The following ULK4 variants were observed in gnomAD, a reference collection of about 807,000 sequenced individuals.
ULK4 encodes inactive serine/threonine-protein kinase ULK4.
Under a neutral mutation model 160.6 loss-of-function variants are expected in ULK4, and 133 were observed. The observed-to-expected ratio is 0.83, with a 90% confidence interval of 0.72 to 0.96. The LOEUF is 0.96. Ranked by LOEUF, ULK4 falls within the 40% of genes least tolerant of loss-of-function variation. The probability of loss-of-function intolerance (pLI) is 0.00; values close to 1 mark genes in which losing one functional copy is unlikely to be tolerated. For synonymous variants in ULK4, 534 were observed against 539.8 expected (o/e 0.99, Z 0.15); for missense variants, 1,580 against 1,499.5 (o/e 1.05, Z -0.89).
chr3:41,930,291 G>A (rs1250798860), intron 5 of ULK4, among the ~76,000 whole-genome samples: 2 of 151,968 alleles, frequency 1.3e-5, no homozygotes, highest in African/African-American at 2.4e-5. Flanking sequence ...GCCATATGCA[G>A]AAAAATGAAA....
chr3:41,585,797 A>G (rs1440736267), intron 31 of ULK4, among the ~76,000 whole-genome samples: 1 of 152,178 alleles, frequency 6.6e-6, no homozygotes, highest in East Asian at 1.9e-4. Context: ...TCTACATTGT[A>G]TAAAAAACTC....
At chr3:41,831,797 G>A (rs2041598887) in intron 18 of ULK4, among the ~76,000 whole-genome samples, 1 of 151,550 alleles carries the variant, frequency 6.6e-6, no homozygotes, top group African/African-American at 2.4e-5. Context: ...AGAATATGCA[G>A]TGTTAGGTTT....
intron 6 of ULK4, among the ~76,000 whole-genome samples, chr3:41,918,971 T>C (rs1290910702): frequency 3.9e-5 from 6 of 152,184 alleles, no homozygotes; most frequent in Admixed American, 3.9e-4. Context: ...AAAAAATATA[T>C]AGCAATAGCT....
chr3:41,807,175 T>C (rs899783515), intron 19 of ULK4, among the ~76,000 whole-genome samples: 1 of 152,120 alleles, frequency 6.6e-6, no homozygotes, highest in Non-Finnish European at 1.5e-5. Context: ...TATCTGAACA[T>C]TTTATATATA....
rs536158440 is a variant in ULK4 at position 41,819,768 on chromosome 3, G to C, written c.1765-262C>G. On this transcript the variant is annotated intron_variant, in intron 18 of 36. Coordinates refer to ENST00000301831, the MANE Select transcript of ULK4 (RefSeq NM_017886.4). ...CATTAGAAGGTAGATTTAAAATATT[G>C]AGAAATGACAATATGATCCAATATG... is the stretch of plus-strand genomic sequence containing the variant. 2.0e-5 allele frequency among the ~76,000 whole-genome samples: 3 copies of C among 152,218 alleles called. No homozygotes were observed. The East Asian group carries it at 5.8e-4, about 29-fold the overall frequency.
At chr3:41,538,959 A>G (rs2086603252) in intron 32 of ULK4, among the ~76,000 whole-genome samples, 2 of 151,284 alleles carry the variant, frequency 1.3e-5, no homozygotes, top group African/African-American at 4.8e-5. Flanking sequence ...AGATTTGTAC[A>G]TATTTTATGG....
chr3:41,639,393 A>C (rs959224769), intron 30 of ULK4, among the ~76,000 whole-genome samples: 4 of 152,198 alleles, frequency 2.6e-5, no homozygotes, highest in Non-Finnish European at 5.9e-5. Flanking sequence ...AAATCAAAGA[A>C]GACAAAAAGA....
chr3:41,721,333 A>AATATAT (rs71075483), intron 22 of ULK4, among the ~76,000 whole-genome samples: 527 of 26,914 alleles, frequency 0.02, 16 homozygotes, highest in Admixed American at 0.038. Flanking sequence ...TTTTAATGTA[A>AATATAT]ATATATATAT....
At chr3:41,931,684 G>A (rs1185348251) in intron 5 of ULK4, 160 bp downstream of exon 5, 1 of 871,372 alleles carries the variant, frequency 1.1e-6, no homozygotes, top group Non-Finnish European at 1.8e-6. Context: ...TTAGGCCATG[G>A]ACAAAGCCAT....
intron 17 of ULK4, among the ~76,000 whole-genome samples, chr3:41,840,291 G>A (rs1455491748): frequency 6.6e-6 from 1 of 152,240 alleles, no homozygotes; most frequent in East Asian, 1.9e-4. Flanking sequence ...AAAAGAGTTA[G>A]CCAGGCATGG....
intron 27 of ULK4, among the ~76,000 whole-genome samples, chr3:41,703,834 GCACACACACACACACACA>G (rs35693704): frequency 4.6e-5 from 6 of 129,300 alleles, no homozygotes; most frequent in Admixed American, 7.3e-5. Context: ...TAATGCGCAT[GCACACACACACACACACA>G]CACACACACA....
At chr3:41,698,595 T>A (rs907985847) in intron 27 of ULK4, among the ~76,000 whole-genome samples, 1 of 152,216 alleles carries the variant, frequency 6.6e-6, no homozygotes, top group Non-Finnish European at 1.5e-5. Context: ...TGGTCCCAAG[T>A]GTTTCAGATA....
chr3:41,961,897 A>G (rs1041672710), intron 1 of ULK4, 119 bp downstream of exon 1: 7 of 152,616 alleles, frequency 4.6e-5, no homozygotes, highest in African/African-American at 1.7e-4. Flanking sequence ...TGGCAGAAGG[A>G]GAGAGGGCGG....
At chr3:41,716,318 A>G (rs954254246) in intron 23 of ULK4, among the ~76,000 whole-genome samples, 6 of 151,862 alleles carry the variant, frequency 4.0e-5, no homozygotes, top group African/African-American at 1.2e-4. Flanking sequence ...GTTGGAGGTA[A>G]AAAGAGGTCA....
chr3:41,651,402 G>A (rs535484519), intron 30 of ULK4, among the ~76,000 whole-genome samples: 2 of 152,164 alleles, frequency 1.3e-5, no homozygotes, highest in South Asian at 4.2e-4. Context: ...TGTTCTCCAC[G>A]GCACTTCTAA....
At chr3:41,653,854 T>C (rs974625193) in intron 30 of ULK4, among the ~76,000 whole-genome samples, 1 of 152,194 alleles carries the variant, frequency 6.6e-6, no homozygotes, top group Non-Finnish European at 1.5e-5. Flanking sequence ...TTTACAGACC[T>C]TAGGAAGTCT....
At chr3:41,653,725 AC>A (rs2034832929) in intron 30 of ULK4, among the ~76,000 whole-genome samples, 1 of 152,156 alleles carries the variant, frequency 6.6e-6, no homozygotes, top group Non-Finnish European at 1.5e-5. Flanking sequence ...AAGTTTTACA[AC>A]CCTTTAAAAA....
In ULK4 at chr3:41,804,540, G is replaced by C. The variant is rs533141719; in HGVS notation, c.1849-4247C>G. ...TGTTGCCATTGCTTTTGGTGTTTTA[G>C]ACATGAAGTCCTTGCCCATGCCTAT... On this transcript the variant is annotated intron_variant, in intron 19 of 36. Transcript: ENST00000301831. 4.7e-3 allele frequency among the ~76,000 whole-genome samples: 705 copies of C among 151,280 alleles called. 3 individuals are homozygous for C. Among genetic ancestry groups the C allele is most frequent in the African/African-American group, 0.016 (660 of 41,298 alleles).
intron 32 of ULK4, among the ~76,000 whole-genome samples, chr3:41,529,729 G>A (rs550070423): frequency 3.3e-5 from 5 of 152,306 alleles, no homozygotes; most frequent in African/African-American, 1.2e-4. Flanking sequence ...CTGGCCTCAA[G>A]CAATCCACCT....
Sources: allele counts gnomAD v4.1 joint callset (sites outside exome capture counted in the v4.1 genomes callset), GRCh38; gene constraint gnomAD v4.1.1; transcripts MANE v1.5; gene names NCBI Gene and HGNC (gene_info 2026-07-23, HGNC 2026-07-21).